The following MAP1LC3B variants were observed in gnomAD, a reference collection of about 807,000 sequenced individuals.
The protein encoded by MAP1LC3B is microtubule-associated protein 1 light chain 3 beta.
A neutral mutation model predicts 16.7 loss-of-function variants in MAP1LC3B; 12 were observed. The ratio of observed to expected loss-of-function variants is 0.72; its 90% CI spans 0.46 to 1.16. The LOEUF is 1.16. Among genes scored for constraint, MAP1LC3B ranks in the 50% most tolerant of loss-of-function variants. MAP1LC3B has a pLI of 0.00. For synonymous variants in MAP1LC3B, 63 were observed against 56.5 expected (o/e 1.11, Z -0.51); for missense variants, 155 against 159.5 (o/e 0.97, Z 0.15).
chr16:87,396,522 T>A (rs756327640), intron 1 of MAP1LC3B, among the ~76,000 whole-genome samples: 5 of 152,144 alleles, frequency 3.3e-5, no homozygotes, highest in Non-Finnish European at 5.9e-5. Flanking sequence ...GTTTCTACTT[T>A]TAGATTTATT....
chr16:87,402,105 G>A, intron 2 of MAP1LC3B, 70 bp from the exon 3 acceptor site: 2 of 1,514,960 alleles, frequency 1.3e-6, no homozygotes, highest in South Asian at 2.3e-5. Context: ...AAAATGCTGG[G>A]GTTACAGGTG....
intron 2 of MAP1LC3B, 187 bp downstream of exon 2, chr16:87,399,057 G>C (rs1907898972): frequency 1.7e-6 from 1 of 583,822 alleles, no homozygotes; most frequent in Non-Finnish European, 3.1e-6. Context: ...CCAGGCTGGA[G>C]TGCAGTGGTG....
intron 1 of MAP1LC3B, 92 bp from the exon 2 acceptor site, chr16:87,398,723 T>A (rs1211865894): frequency 9.1e-6 from 10 of 1,101,878 alleles, no homozygotes; most frequent in Non-Finnish European, 1.4e-5. Context: ...GTGCCACAGC[T>A]AGCAGCTGAA....
chr16:87,399,396 T>G (rs1399923048), intron 2 of MAP1LC3B: 2 of 297,660 alleles, frequency 6.7e-6, no homozygotes, highest in East Asian at 1.8e-4. Flanking sequence ...TATTTCCTTG[T>G]GGATATCACA....
At position 87,403,531 on chromosome 16, in the gene MAP1LC3B, TAG is replaced by T. The variant is rs570187982; in HGVS notation, c.*440_*441del. The T allele has an allele frequency of 7.3e-4, 118 of 162,288 alleles. 1 individual carries two copies. The highest frequency in any genetic ancestry group is 2.7e-3 in the African/African-American group (111 of 41,600). 10.1% of individuals were successfully genotyped at this position (162,288 alleles called of 1,614,324 possible). A position where few individuals can be genotyped will look rare whatever the true frequency, so the allele number is the denominator to read the frequency against. On this transcript the variant is annotated 3_prime_UTR_variant, in exon 4 of 4. Transcript: ENST00000268607. ...TTTGGGTAGAAGTTTTCTACTCAGCTAGAGAGATCTCCCTAAGAGGATCTTTA... is the reference window on the plus strand; with the variant it reads ...TTTGGGTAGAAGTTTTCTACTCAGCTAGAGATCTCCCTAAGAGGATCTTTA...
At position 87,395,851 on chromosome 16, in the gene MAP1LC3B, CCTT is replaced by C. The variant is rs1567498875; in HGVS notation, c.41-2963_41-2961del. Among the ~76,000 whole-genome samples the C allele has an allele frequency of 3.9e-3, 386 of 100,132 alleles. 3 individuals carry two copies. Among genetic ancestry groups the C allele is most frequent in the African/African-American group, 0.013 (376 of 28,168 alleles). 65.7% of individuals were successfully genotyped at this position (100,132 alleles called of 152,430 possible). A position where few individuals can be genotyped will look rare whatever the true frequency, so the allele number is the denominator to read the frequency against. ...CATAGAGCCTGTTTTTTCCTTCTTTCCTTTTTTTTTTTTTTTTTTTTTTTTTTG... is the reference window on the plus strand; with the variant it reads ...CATAGAGCCTGTTTTTTCCTTCTTTCTTTTTTTTTTTTTTTTTTTTTTTTG... On this transcript the variant is annotated intron_variant, in intron 1 of 3. Coordinates refer to ENST00000268607, the MANE Select transcript of MAP1LC3B (RefSeq NM_022818.5).
chr16:87,393,028 T>G (rs1333877840), intron 1 of MAP1LC3B: 2 of 152,154 alleles, frequency 1.3e-5, no homozygotes, highest in Non-Finnish European at 2.9e-5. Flanking sequence ...AGGAGGGGAA[T>G]GTGCTGGGCC....
chr16:87,393,715 C>G (rs1907694739), intron 1 of MAP1LC3B, among the ~76,000 whole-genome samples: 1 of 151,094 alleles, frequency 6.6e-6, no homozygotes, highest in Admixed American at 6.6e-5. Context: ...TTATTGAGCC[C>G]TGAGAGCAGC....
At chr16:87,398,267 A>G (rs1282087368) in intron 1 of MAP1LC3B, among the ~76,000 whole-genome samples, 1 of 152,110 alleles carries the variant, frequency 6.6e-6, no homozygotes, top group Non-Finnish European at 1.5e-5. Context: ...ACCTCAAGTG[A>G]TCTGCCCACC....
intron 1 of MAP1LC3B, among the ~76,000 whole-genome samples, chr16:87,393,919 G>A (rs1417092075): frequency 1.3e-5 from 2 of 152,188 alleles, no homozygotes; most frequent in African/African-American, 4.8e-5. Context: ...ATGTAGGAGA[G>A]ATGCCCTTTT....
intron 2 of MAP1LC3B, chr16:87,399,598 G>A (rs1296195254): frequency 2.2e-6 from 1 of 454,928 alleles, no homozygotes; most frequent in Admixed American, 2.4e-5. Context: ...GTTGTGACAG[G>A]GTGGAAGAAT....
rs548046405 is a variant in MAP1LC3B at position 87,404,041 on chromosome 16, G to A, written c.*944G>A. On this transcript the variant is annotated 3_prime_UTR_variant, in exon 4 of 4. Coordinates refer to ENST00000268607, the MANE Select transcript of MAP1LC3B (RefSeq NM_022818.5). ...TGATCCACGTTTTTGTTTTTTTAAT[G>A]TTAAATGTGTAACTCAGTATTACTG... is the stretch of plus-strand genomic sequence containing the variant. 11 of 152,254 alleles carry A rather than the reference G, an allele frequency of 7.2e-5. No individual in the cohort carries two copies. The South Asian group carries it at 2.3e-3, about 32-fold the overall frequency. 9.4% of individuals were successfully genotyped at this position (152,254 alleles called of 1,614,324 possible).
intron 2 of MAP1LC3B, chr16:87,399,073 G>A (rs145990106): frequency 8.7e-5 from 49 of 561,978 alleles, no homozygotes; most frequent in African/African-American, 6.2e-4. Flanking sequence ...TGGTGCGATC[G>A]TAGCTCAGTG....
chr16:87,403,004 C>A lies in MAP1LC3B; in HGVS notation c.285C>A (p.Ile95=), dbSNP rs771041187. 6.2e-7 allele frequency: 1 copy of A among 1,614,104 alleles called. No homozygotes were observed. Among genetic ancestry groups the A allele is most frequent in the Non-Finnish European group, 8.5e-7 (1 of 1,179,966 alleles). The change falls in exon 4 of 4, where the codon ATC becomes ATA. Residue 95 remains isoleucine, a synonymous_variant. Transcript: ENST00000268607. ...GCATGGTCAGCGTCTCCACACCAAT[C>A]TCAGAGGTGTATGAGAGTGAGAAAG... ...GHSMVSVSTP[I]SEVYESEKDE...
At chr16:87,392,624 G>T (rs1246811302) in intron 1 of MAP1LC3B, 157 bp downstream of exon 1, 4 of 661,956 alleles carry the variant, frequency 6.0e-6, no homozygotes, top group Non-Finnish European at 7.9e-6. Context: ...GCGGGGCCCG[G>T]GGCCCCGTGA....
intron 3 of MAP1LC3B, chr16:87,402,697 C>G (rs1908037126): frequency 1.7e-6 from 1 of 605,146 alleles, no homozygotes; most frequent in Non-Finnish European, 2.8e-6. Flanking sequence ...AACAGCTGTT[C>G]AGACAGTATA....
chr16:87,404,486 C>G lies in MAP1LC3B; in HGVS notation c.*1389C>G, dbSNP rs528115682. 1.3e-5 allele frequency: 2 copies of G among 152,170 alleles called. No homozygotes were observed. Among genetic ancestry groups the G allele is most frequent in the South Asian group, 4.1e-4 (2 of 4,820 alleles). 9.4% of individuals were successfully genotyped at this position (152,170 alleles called of 1,614,324 possible). ...TTAAAGGAGTTCCTGTCACCTGCTC[C>G]CCCCACCCCCGCATGCGTCTGTCCA... On this transcript the variant is annotated 3_prime_UTR_variant, in exon 4 of 4. Coordinates refer to ENST00000268607, the MANE Select transcript of MAP1LC3B (RefSeq NM_022818.5).
At chr16:87,395,167 T>G (rs1907755529) in intron 1 of MAP1LC3B, among the ~76,000 whole-genome samples, 1 of 152,264 alleles carries the variant, frequency 6.6e-6, no homozygotes, top group South Asian at 2.1e-4. Flanking sequence ...GAACGTGTTC[T>G]TAAAAATAGG....
rs1908109004 is a variant in MAP1LC3B at position 87,404,520 on chromosome 16, A to C, written c.*1423A>C. ...CCGCATGCGTCTGTCCACTTGGCTA[A>C]CTTTTAATATGTGTATTTTTACATT... On this transcript the variant is annotated 3_prime_UTR_variant, in exon 4 of 4. Coordinates refer to ENST00000268607, the MANE Select transcript of MAP1LC3B (RefSeq NM_022818.5). The C allele has an allele frequency of 6.6e-6, 1 of 151,984 alleles. No individual in the cohort carries two copies. Among genetic ancestry groups the C allele is most frequent in the Non-Finnish European group, 1.5e-5 (1 of 68,012 alleles). The allele number at this position is 151,984 out of a possible 1,614,324, so 9.4% of individuals were successfully genotyped here.
Sources: allele counts gnomAD v4.1 joint callset (sites outside exome capture counted in the v4.1 genomes callset), GRCh38; gene constraint gnomAD v4.1.1; transcripts MANE v1.5; gene names NCBI Gene and HGNC (gene_info 2026-07-23, HGNC 2026-07-21).